Variants in RGS12 observed in about 807,000 individuals in gnomAD.
RGS12 encodes regulator of G-protein signaling 12.
Under a neutral mutation model 120.1 loss-of-function variants are expected in RGS12, and 66 were observed. The ratio of observed to expected loss-of-function variants is 0.55; its 90% CI spans 0.45 to 0.67. RGS12 has a LOEUF of 0.67. Among genes scored for constraint, RGS12 ranks in the 30% least tolerant of loss-of-function variants. The pLI, the probability that RGS12 is intolerant of heterozygous loss-of-function variation, is 0.00. For synonymous variants in RGS12, 827 were observed against 804.7 expected (o/e 1.03, Z -0.47); for missense variants, 1,859 against 1,957.7 (o/e 0.95, Z 0.95).
rs139386221 is a variant in RGS12 at position 3,365,642 on chromosome 4, G to A, written c.1999-20774G>A. ...CCACTCACCTCTGGGACGACGTGCC[G>A]CACGTCACATTGTGTAGGAATGAGA... On this transcript the variant is annotated intron_variant, in intron 3 of 17. Transcript: ENST00000336727. This position sits in a 1 kb window ranked among gnomAD's most constrained non-coding sequence, Gnocchi z 4.0. Among the ~76,000 whole-genome samples the A allele has an allele frequency of 3.3e-5, 5 of 152,248 alleles. No homozygotes were observed. The highest frequency in any genetic ancestry group is 1.9e-4 in the East Asian group (1 of 5,174).
the RGS12 span, among the ~76,000 whole-genome samples, chr4:3,287,459 A>C: frequency 3.5e-4 from 53 of 152,292 alleles, no homozygotes; most frequent in Non-Finnish European, 7.2e-4. Flanking sequence ...GAGACATTTC[A>C]AAGCCGGGTC....
At chr4:3,428,784 G>T in intron 16 of RGS12, 73 bp downstream of exon 16, 1 of 1,326,766 alleles carries the variant, frequency 7.5e-7, no homozygotes, top group South Asian at 1.4e-5. Flanking sequence ...CAGTAGATCT[G>T]CTTTGAGCTG....
rs568051408 is a variant in RGS12 at position 3,353,861 on chromosome 4, C to T, written c.1998+10808C>T. ...AGTGCTTTGGGTCCACAGATAGTGTCCATTCATACCCTAAGTTCAACAAAA... is the reference window on the plus strand; with the variant it reads ...AGTGCTTTGGGTCCACAGATAGTGTTCATTCATACCCTAAGTTCAACAAAA... On this transcript the variant is annotated intron_variant, in intron 3 of 17. Transcript: ENST00000336727. 4.6e-5 allele frequency among the ~76,000 whole-genome samples: 7 copies of T among 152,200 alleles called. No individual in the cohort carries two copies. The South Asian group carries it at 1.5e-3, about 32-fold the overall frequency.
chr4:3,408,604 G>A (rs544962138), intron 4 of RGS12, among the ~76,000 whole-genome samples: 44 of 152,306 alleles, frequency 2.9e-4, no homozygotes, highest in Non-Finnish European at 5.3e-4. Context: ...TGTCCTTTGC[G>A]AATCGCTGGA....
At chr4:3,373,641 G>A (rs1405571434) in intron 3 of RGS12, among the ~76,000 whole-genome samples, 1 of 152,196 alleles carries the variant, frequency 6.6e-6, no homozygotes, top group Non-Finnish European at 1.5e-5. Flanking sequence ...ATCGCAGGGC[G>A]TGCACACCCT....
chr4:3,320,389 G>T (rs915363355), intron 2 of RGS12, among the ~76,000 whole-genome samples: 1 of 152,218 alleles, frequency 6.6e-6, no homozygotes, highest in African/African-American at 2.4e-5. Flanking sequence ...AGGGGAGCTA[G>T]CATGTCCTCA....
chr4:3,363,209 G>A (rs189339218), intron 3 of RGS12, among the ~76,000 whole-genome samples: 2 of 152,196 alleles, frequency 1.3e-5, no homozygotes, highest in African/African-American at 2.4e-5. Flanking sequence ...TTTGGAACTA[G>A]CAGTTCTGTC....
chr4:3,430,525 A>G lies in RGS12; in HGVS notation c.3684A>G (p.Glu1228=). The G allele has an allele frequency of 6.2e-7, 1 of 1,613,164 alleles. No individual in the cohort carries two copies. The highest frequency in any genetic ancestry group is 1.1e-5 in the South Asian group (1 of 91,054). Residue 1228 remains glutamate, a synonymous_variant, in exon 17 of 18, where the codon GAA becomes GAG. Transcript: ENST00000336727. ...EFLRLPPGST[E]LTLPTPAAVA... is the part of the protein sequence containing the mutation. ...TCCGTTTACCTCCTGGTTCCACAGA[A>G]CTCACCCTCCCCACTCCAGCTGCTG...
chr4:3,337,710 G>A lies in RGS12; in HGVS notation c.1882-5227G>A, dbSNP rs539283982. 1.3e-3 allele frequency among the ~76,000 whole-genome samples: 196 copies of A among 152,264 alleles called. 1 individual carries two copies. Among genetic ancestry groups the A allele is most frequent in the African/African-American group, 3.7e-3 (152 of 41,528 alleles). ...CCTGGGGGAGGGGAATGGAGAGTGCGTGTTAAATGGGGGCAGAGCTTCGTT... is the reference window on the plus strand; with the variant it reads ...CCTGGGGGAGGGGAATGGAGAGTGCATGTTAAATGGGGGCAGAGCTTCGTT... On this transcript the variant is annotated intron_variant, in intron 2 of 17. Coordinates refer to ENST00000336727, the MANE Select transcript of RGS12 (RefSeq NM_001394154.1).
chr4:3,335,552 G>T (rs1712354166), intron 2 of RGS12, among the ~76,000 whole-genome samples: 1 of 152,148 alleles, frequency 6.6e-6, no homozygotes, highest in Non-Finnish European at 1.5e-5. Flanking sequence ...GGCAAGGCAG[G>T]AGTGTCACCA....
chr4:3,390,209 C>T lies in RGS12; in HGVS notation c.2020+3772C>T, dbSNP rs1437360930. 6.6e-6 allele frequency among the ~76,000 whole-genome samples: 1 copy of T among 152,174 alleles called. No homozygotes were observed. Among genetic ancestry groups the T allele is most frequent in the Non-Finnish European group, 1.5e-5 (1 of 68,026 alleles). On this transcript the variant is annotated intron_variant, in intron 4 of 17. Transcript: ENST00000336727. The surrounding 1 kb of genome is among the most constrained non-coding windows in gnomAD (Gnocchi z 4.6). ...GCGGTTTCCCTCTTCCCTTCCTGAC[C>T]ACCTGCCCCCATCCTGAGCGATGGC...
At chr4:3,405,429 A>G (rs1721004352) in intron 4 of RGS12, among the ~76,000 whole-genome samples, 1 of 152,236 alleles carries the variant, frequency 6.6e-6, no homozygotes, top group South Asian at 2.1e-4. Flanking sequence ...ACTGAGGGGC[A>G]GTCTTAAAAA....
At position 3,346,320 on chromosome 4, in the gene RGS12, G is replaced by A. The variant is rs77047713; in HGVS notation, c.1998+3267G>A. Among the ~76,000 whole-genome samples the A allele has an allele frequency of 3.6e-3, 555 of 152,194 alleles. 5 individuals are homozygous for A. The highest frequency in any genetic ancestry group is 0.013 in the African/African-American group (542 of 41,514). On this transcript the variant is annotated intron_variant, in intron 3 of 17. Coordinates refer to ENST00000336727, the MANE Select transcript of RGS12 (RefSeq NM_001394154.1). ...CAGAAGCTACTGATTGTGAAATTTC[G>A]ATTACACCATTATTCTGCCGAGTCA...
At chr4:3,408,081 A>G (rs1465264693) in intron 4 of RGS12, among the ~76,000 whole-genome samples, 1 of 152,198 alleles carries the variant, frequency 6.6e-6, no homozygotes, top group Non-Finnish European at 1.5e-5. Flanking sequence ...GGCTTAGATC[A>G]CAAGTGTGGG....
intron 16 of RGS12, among the ~76,000 whole-genome samples, chr4:3,429,716 G>A (rs919105562): frequency 6.6e-6 from 1 of 152,218 alleles, no homozygotes; most frequent in South Asian, 2.1e-4. Flanking sequence ...GCACCTGCAG[G>A]CCCCCACAGT....
chr4:3,416,119 C>T lies in RGS12; in HGVS notation c.2425C>T (p.Gln809Ter), dbSNP rs1343218986. The T allele has an allele frequency of 6.2e-7, 1 of 1,613,952 alleles. No homozygotes were observed. Among genetic ancestry groups the T allele is most frequent in the East Asian group, 2.2e-5 (1 of 44,882 alleles). Reference protein sequence around the residue: ...HPDMFKEQQLQIFNLMKFDSY... With the variant: ...HPDMFKEQQL ...AGACATGTTCAAGGAGCAGCAGCTG[C>T]AGGTAACCGCAGGCTGTGGGAGCTT... Residue 809 changes from glutamine (Q) to a stop codon, truncating the protein, a stop_gained and splice_region_variant, in exon 7 of 18, where the codon CAG becomes TAG. Coordinates refer to ENST00000336727, the MANE Select transcript of RGS12 (RefSeq NM_001394154.1). LOFTEE classifies it high-confidence loss of function.
intron 9 of RGS12, 186 bp downstream of exon 9, chr4:3,417,727 C>A: frequency 1.6e-6 from 1 of 622,974 alleles, no homozygotes; most frequent in Non-Finnish European, 2.8e-6. Flanking sequence ...ACCTGTCAGC[C>A]AGCCAGAGGG....
rs528590312 is a variant in RGS12, at chr4:3,411,949, C to T, written c.2021-2123C>T. Among the ~76,000 whole-genome samples the T allele has an allele frequency of 1.1e-3, 173 of 152,382 alleles. 1 individual carries two copies. Among genetic ancestry groups the T allele is most frequent in the African/African-American group, 3.9e-3 (163 of 41,598 alleles). On this transcript the variant is annotated intron_variant, in intron 4 of 17. Transcript: ENST00000336727. ...CTCGGAGTCAGGGCTTCCGTGTGAG[C>T]CCCAGCCGCAGGCCTCTGAAACTTC...
At chr4:3,299,307 A>T (rs1723548497) in intron 1 of RGS12, among the ~76,000 whole-genome samples, 1 of 151,890 alleles carries the variant, frequency 6.6e-6, no homozygotes, top group African/African-American at 2.4e-5. Flanking sequence ...TATGCCCCTC[A>T]CTGTTCAGCC....
Sources: gnomAD v4.1 joint callset for allele counts (sites outside exome capture counted in the v4.1 genomes callset) on GRCh38, gnomAD v4.1.1 for gene constraint, Gnocchi (gnomAD v3.1) non-coding constraint, MANE v1.5 for transcripts, NCBI Gene and HGNC (gene_info 2026-07-23, HGNC 2026-07-21) for gene names.